The following NUDT4 variants were observed in gnomAD, a reference collection of about 807,000 sequenced individuals.
NUDT4 encodes nudix hydrolase 4, also known as diphosphoinositol polyphosphate phosphohydrolase 2.
In NUDT4, 5 loss-of-function variants were observed where a neutral mutation model predicts 23.1. That is an observed-to-expected ratio of 0.22 (90% CI 0.11 to 0.46). NUDT4 has a LOEUF of 0.46. NUDT4 is among the 20% of genes least tolerant of loss of function. The pLI is 0.99. For missense variants in NUDT4, 96 were observed against 211.6 expected (o/e 0.45, Z 3.39); for synonymous variants, 50 against 79.0 (o/e 0.63, Z 1.95).
At chr12:93,386,598 A>G (rs958411957) in intron 1 of NUDT4, among the ~76,000 whole-genome samples, 2 of 152,054 alleles carry the variant, frequency 1.3e-5, no homozygotes, top group Admixed American at 1.3e-4. Context: ...AAAAGAAGCT[A>G]TTAATAGTTG....
intron 1 of NUDT4, among the ~76,000 whole-genome samples, chr12:93,390,514 C>T (rs184847040): frequency 7.9e-5 from 12 of 151,992 alleles, no homozygotes; most frequent in African/African-American, 2.9e-4. Flanking sequence ...AGAATTTGAA[C>T]TTAGAGACCC....
intron 1 of NUDT4, among the ~76,000 whole-genome samples, chr12:93,383,788 C>T (rs1287629195): frequency 1.3e-5 from 2 of 152,162 alleles, no homozygotes; most frequent in Admixed American, 6.5e-5. Flanking sequence ...GCTGAGATTG[C>T]GCCACTGCAC....
At chr12:93,397,217 A>G (rs577404809) in intron 3 of NUDT4, among the ~76,000 whole-genome samples, 1 of 152,368 alleles carries the variant, frequency 6.6e-6, no homozygotes, top group South Asian at 2.1e-4. Context: ...ATATAGCATA[A>G]TAAATGTACT....
At chr12:93,391,338 G>A (rs577983508) in intron 1 of NUDT4, among the ~76,000 whole-genome samples, 5 of 152,128 alleles carry the variant, frequency 3.3e-5, no homozygotes, top group African/African-American at 1.2e-4. Context: ...GCCAAGGCAG[G>A]CAGATCACTT....
In NUDT4 at chr12:93,402,358, G is replaced by A. The variant is rs987597431; in HGVS notation, c.*2979G>A. 2.0e-5 allele frequency: 3 copies of A among 152,114 alleles called. No homozygotes were observed. Among genetic ancestry groups the A allele is most frequent in the Non-Finnish European group, 2.9e-5 (2 of 68,018 alleles). The allele number at this position is 152,114 out of a possible 1,614,324, so 9.4% of individuals were successfully genotyped here. A position where few individuals can be genotyped will look rare whatever the true frequency, so the allele number is the denominator to read the frequency against. Reference sequence around the variant, plus strand: ...AGGTTTCTGAAACTTTGGGTAAGGTGTATGCTTTTAACTTTGAAATGTATA... The same window carrying A: ...AGGTTTCTGAAACTTTGGGTAAGGTATATGCTTTTAACTTTGAAATGTATA... On this transcript the variant is annotated 3_prime_UTR_variant, in exon 5 of 5. Coordinates refer to ENST00000415493, the MANE Select transcript of NUDT4 (RefSeq NM_019094.6).
chr12:93,403,537 T>G lies in NUDT4; in HGVS notation c.*4158T>G, dbSNP rs1283008708. ...GGTTTCACCATATTGGCCAGGCTGG[T>G]CTCAAACTCCTGACCTCGTGATCCG... On this transcript the variant is annotated 3_prime_UTR_variant, in exon 5 of 5. Coordinates refer to ENST00000415493, the MANE Select transcript of NUDT4 (RefSeq NM_019094.6). 1 of 152,230 alleles carries G rather than the reference T, an allele frequency of 6.6e-6. No homozygotes were observed. The highest frequency in any genetic ancestry group is 1.5e-5 in the Non-Finnish European group (1 of 68,076). 9.4% of individuals were successfully genotyped at this position (152,230 alleles called of 1,614,324 possible).
chr12:93,378,704 C>T, intron 1 of NUDT4: 2 of 1,129,158 alleles, frequency 1.8e-6, no homozygotes, highest in African/African-American at 1.6e-5. Context: ...GTAAGTCTCG[C>T]CTAGCGGGAG....
At chr12:93,382,285 C>CA (rs940407136) in intron 1 of NUDT4, among the ~76,000 whole-genome samples, 10 of 142,578 alleles carry the variant, frequency 7.0e-5, no homozygotes, top group East Asian at 2.0e-4. Context: ...AAAAAAACAA[C>CA]AAAAAAAACC....
At chr12:93,396,128 T>C (rs917228546) in intron 3 of NUDT4, among the ~76,000 whole-genome samples, 2 of 152,232 alleles carry the variant, frequency 1.3e-5, no homozygotes, top group African/African-American at 4.8e-5. Flanking sequence ...GTTTAGGGTA[T>C]AGATCTTTTA....
chr12:93,406,787 CTT>C lies in NUDT4; in HGVS notation c.*7409_*7410del, dbSNP rs1877844685. ...ATACAACATCATTTTATTCCAGAGA[CTT>C]GAGCATCTGCGAATTTGGATATCCA... On this transcript the variant is annotated 3_prime_UTR_variant, in exon 5 of 5. Coordinates refer to ENST00000415493, the MANE Select transcript of NUDT4 (RefSeq NM_019094.6). The C allele has an allele frequency of 6.6e-6, 1 of 152,148 alleles. No homozygotes were observed. The highest frequency in any genetic ancestry group is 2.4e-5 in the African/African-American group (1 of 41,430). The allele number at this position is 152,148 out of a possible 1,614,324, so 9.4% of individuals were successfully genotyped here.
intron 1 of NUDT4, among the ~76,000 whole-genome samples, chr12:93,393,001 G>A (rs1876665169): frequency 7.2e-6 from 1 of 138,484 alleles, no homozygotes; most frequent in Non-Finnish European, 1.6e-5. Flanking sequence ...TTAAAAGATG[G>A]GTATGTAATA....
At chr12:93,382,307 A>G (rs1875725559) in intron 1 of NUDT4, among the ~76,000 whole-genome samples, 5 of 151,434 alleles carry the variant, frequency 3.3e-5, no homozygotes, top group South Asian at 2.1e-4. Flanking sequence ...CTACTCTTCC[A>G]TAGGACTTGC....
chr12:93,389,928 G>A (rs1380734422), intron 1 of NUDT4, among the ~76,000 whole-genome samples: 3 of 151,906 alleles, frequency 2.0e-5, no homozygotes. Context: ...AGCATAAAAT[G>A]TTTCTTCAGA....
At chr12:93,394,042 A>G (rs1876747875) in intron 1 of NUDT4, among the ~76,000 whole-genome samples, 2 of 152,052 alleles carry the variant, frequency 1.3e-5, no homozygotes, top group African/African-American at 2.4e-5. Context: ...AGTCTCTGTC[A>G]CCCATGCTGG....
Position 93,378,041 on chromosome 12 carries a change from G to C in NUDT4, c.-282G>C, listed in dbSNP as rs1485450325. ...CGGCCGGAGGGAGCGGAGGCGAGCG[G>C]GAGTCGGGCTCCATGGAGAGCGGCG... On this transcript the variant is annotated 5_prime_UTR_variant, in exon 1 of 5. Coordinates refer to ENST00000415493, the MANE Select transcript of NUDT4 (RefSeq NM_019094.6). The C allele has an allele frequency of 1.2e-5, 3 of 254,108 alleles. No individual in the cohort carries two copies. Among genetic ancestry groups the C allele is most frequent in the Non-Finnish European group, 2.3e-5 (3 of 130,170 alleles). 15.7% of individuals were successfully genotyped at this position (254,108 alleles called of 1,614,324 possible).
intron 1 of NUDT4, chr12:93,385,288 A>C (rs986683242): frequency 1.3e-5 from 2 of 152,234 alleles, no homozygotes; most frequent in Admixed American, 6.5e-5. Flanking sequence ...AGATGTCTTC[A>C]CTTTTCACCA....
chr12:93,384,182 A>G (rs371783617), intron 1 of NUDT4, among the ~76,000 whole-genome samples: 1 of 151,252 alleles, frequency 6.6e-6, no homozygotes, highest in Non-Finnish European at 1.5e-5. Flanking sequence ...GGGGTGCCCA[A>G]GCTTTTTTTT....
chr12:93,392,956 C>T (rs1392517115), intron 1 of NUDT4, among the ~76,000 whole-genome samples: 5 of 138,974 alleles, frequency 3.6e-5, no homozygotes, highest in African/African-American at 1.3e-4. Flanking sequence ...GCTAGGATTA[C>T]AGGCATGAGC....
intron 1 of NUDT4, among the ~76,000 whole-genome samples, chr12:93,388,815 A>G (rs576056096): frequency 6.6e-6 from 1 of 152,368 alleles, no homozygotes; most frequent in East Asian, 1.9e-4. Flanking sequence ...TGAGATGAGC[A>G]CTTGAAATAT....
Sources: gnomAD v4.1 joint callset for allele counts (sites outside exome capture counted in the v4.1 genomes callset) on GRCh38, gnomAD v4.1.1 for gene constraint, MANE v1.5 for transcripts, NCBI Gene and HGNC (gene_info 2026-07-23, HGNC 2026-07-21) for gene names.